ADGRV1: variants seen among roughly 807,000 people sequenced by gnomAD.
The protein encoded by ADGRV1 is adhesion G protein-coupled receptor V1, also known as G-protein coupled receptor 98.
ADGRV1 carries 359 observed loss-of-function variants against 596.2 expected under a neutral mutation model. That is an observed-to-expected ratio of 0.60 (90% CI 0.55 to 0.66). ADGRV1 has a LOEUF of 0.66. Ranked by LOEUF, ADGRV1 falls within the 30% of genes least tolerant of loss-of-function variation. The pLI is 0.00. For missense variants in ADGRV1, 7,274 were observed against 7,575.6 expected (o/e 0.96, Z 1.48); for synonymous variants, 2,681 against 2,679.2 (o/e 1.00, Z -0.02).
At chr5:90,621,819 AAGATGACATT>A (rs1764115606) in intron 4 of ADGRV1, among the ~76,000 whole-genome samples, 2 of 152,182 alleles carry the variant, frequency 1.3e-5, no homozygotes, top group South Asian at 4.2e-4. Context: ...GTTGGTAGTG[AAGATGACATT>A]GATGATGATG....
intron 83 of ADGRV1, among the ~76,000 whole-genome samples, chr5:90,918,808 C>T (rs940202973): frequency 2.0e-5 from 3 of 152,126 alleles, no homozygotes; most frequent in Admixed American, 2.0e-4. Context: ...CAACCAAGGC[C>T]TCCCTCTCTT....
intron 53 of ADGRV1, among the ~76,000 whole-genome samples, chr5:90,751,722 C>T (rs1755276174): frequency 6.6e-6 from 1 of 152,050 alleles, no homozygotes; most frequent in Non-Finnish European, 1.5e-5. Context: ...TCTCATGGAA[C>T]TGTCTCAAAA....
At chr5:90,675,132 C>G in intron 23 of ADGRV1, 111 bp from the exon 24 acceptor site, 1 of 748,138 alleles carries the variant, frequency 1.3e-6, no homozygotes, top group Non-Finnish European at 2.1e-6. Context: ...AATAAAGTCC[C>G]TCAGAATTTT....
intron 87 of ADGRV1, among the ~76,000 whole-genome samples, chr5:91,113,477 A>G (rs565273719): frequency 1.3e-5 from 2 of 152,216 alleles, no homozygotes; most frequent in Non-Finnish European, 2.9e-5. Context: ...ACCTTGATCC[A>G]GTAGAAAATG....
intron 83 of ADGRV1, among the ~76,000 whole-genome samples, chr5:90,954,630 A>G (rs1777321618): frequency 6.6e-6 from 1 of 152,152 alleles, no homozygotes; most frequent in Non-Finnish European, 1.5e-5. Flanking sequence ...ATATTTGTGC[A>G]TATGTTGCAT....
chr5:91,070,711 T>C (rs1788313006), intron 85 of ADGRV1, among the ~76,000 whole-genome samples: 1 of 152,172 alleles, frequency 6.6e-6, no homozygotes, highest in South Asian at 2.1e-4. Flanking sequence ...ATTTCAGTAT[T>C]ACCAAAATAA....
chr5:90,847,760 C>T (rs1201130899), intron 78 of ADGRV1, among the ~76,000 whole-genome samples: 2 of 152,192 alleles, frequency 1.3e-5, no homozygotes, highest in Admixed American at 6.5e-5. Context: ...GCTGGCTGGC[C>T]GCTGAATGCG....
chr5:90,913,606 C>T (rs1356178825), intron 83 of ADGRV1, among the ~76,000 whole-genome samples: 2 of 151,878 alleles, frequency 1.3e-5, no homozygotes, highest in African/African-American at 4.8e-5. Flanking sequence ...TTCTTCGTTG[C>T]AGGAAATTTA....
chr5:90,827,389 A>G (rs1348761456), intron 76 of ADGRV1, among the ~76,000 whole-genome samples: 1 of 152,218 alleles, frequency 6.6e-6, no homozygotes, highest in Non-Finnish European at 1.5e-5. Flanking sequence ...TACTAGTCTA[A>G]TGATATGTAG....
rs1261385557 is a variant in ADGRV1 at position 90,627,761 on chromosome 5, A to G, written c.1223A>G (p.Glu408Gly). 1.3e-6 allele frequency: 2 copies of G among 1,517,494 alleles called. No homozygotes were observed. Among genetic ancestry groups the G allele is most frequent in the Non-Finnish European group, 1.8e-6 (2 of 1,125,114 alleles). 94.0% of individuals were successfully genotyped at this position (1,517,494 alleles called of 1,614,324 possible). Residue 408 changes from glutamate to glycine, a missense_variant, in exon 7 of 90, where the codon GAA (glutamate) becomes GGA (glycine). By Grantham distance (98) the Glu-to-Gly change is moderately conservative (BLOSUM62 -2). Around this residue, in one of 5 missense-constraint regions of ADGRV1, gnomAD observed 1,715 missense variants for 1,708.8 expected, o/e 1.00. Transcript: ENST00000405460. ...TTTGAAAGGACAGTTATAATTGATG[A>G]AGATAGAATATCAAGGTATGATTTA... is the stretch of plus-strand genomic sequence containing the variant. ...VLFERTVIID[E>G]DRISRYEEIT...
chr5:91,027,314 T>A (rs1420678314), intron 85 of ADGRV1, among the ~76,000 whole-genome samples: 2 of 152,152 alleles, frequency 1.3e-5, no homozygotes, highest in Non-Finnish European at 1.5e-5. Context: ...CCTGGACTCC[T>A]CATCCTACAG....
At chr5:91,072,346 G>T (rs1199877534) in intron 85 of ADGRV1, 101 bp from the exon 86 acceptor site, 2 of 1,049,190 alleles carry the variant, frequency 1.9e-6, no homozygotes, top group African/African-American at 3.1e-5. Context: ...GCCAGCATCT[G>T]GATACAAAGA....
intron 85 of ADGRV1, among the ~76,000 whole-genome samples, chr5:91,069,482 C>G (rs1788182566): frequency 6.6e-6 from 1 of 151,876 alleles, no homozygotes; most frequent in Non-Finnish European, 1.5e-5. Flanking sequence ...AGAAGAATTA[C>G]AAGCAGCCAA....
rs547076322 is a variant in ADGRV1 at position 90,637,747 on chromosome 5, A to G, written c.2039A>G (p.Asp680Gly). The G allele has an allele frequency of 3.1e-5, 50 of 1,612,500 alleles. No individual in the cohort carries two copies. The East Asian group carries it at 1.0e-3, about 34-fold the overall frequency. ...AAGGTATACATTCCCTTACATCGGG[A>G]TGGAACTGATGGCCAGGCTACTGTC... ...AEVVYIPLHR[D>G]GTDGQATVYW... is the part of the protein sequence containing the mutation. The change falls in exon 11 of 90, where the codon GAT becomes GGT. Residue 680 changes from aspartate (D) to glycine (G), a missense_variant. By Grantham distance (94) the Asp-to-Gly change is moderately conservative. Transcript: ENST00000405460.
At chr5:90,885,182 A>G (rs573158076) in intron 83 of ADGRV1, among the ~76,000 whole-genome samples, 1 of 152,328 alleles carries the variant, frequency 6.6e-6, no homozygotes, top group South Asian at 2.1e-4. Context: ...AGCTCTCTGT[A>G]GATTTTTCAC....
chr5:91,028,222 G>GA (rs1365292750), intron 85 of ADGRV1, among the ~76,000 whole-genome samples: 3 of 151,884 alleles, frequency 2.0e-5, no homozygotes, highest in African/African-American at 7.3e-5. Flanking sequence ...CAAAATCCCT[G>GA]AAACAATGGA....
At chr5:90,907,979 T>A (rs1488487084) in intron 83 of ADGRV1, among the ~76,000 whole-genome samples, 2 of 152,036 alleles carry the variant, frequency 1.3e-5, no homozygotes, top group Non-Finnish European at 1.5e-5. Context: ...GCCTCCTGAG[T>A]AGCTGGGACT....
At position 90,685,910 on chromosome 5, in the gene ADGRV1, A is replaced by G. The variant is rs1180466764; in HGVS notation, c.6405A>G (p.Gly2135=). Residue 2135 remains glycine, a synonymous_variant, in exon 29 of 90, where the codon GGA becomes GGG. Transcript: ENST00000405460. ...TCCGAGTGGCAGAAAATCATGTTGGACCCATTATCAATGTGACTAGAACAG... is the reference window on the plus strand; with the variant it reads ...TCCGAGTGGCAGAAAATCATGTTGGGCCCATTATCAATGTGACTAGAACAG... ...PIVRVAENHV[G]PIINVTRTGG... 1.9e-6 allele frequency: 3 copies of G among 1,611,340 alleles called. No homozygotes were observed. The African/African-American group carries it at 4.0e-5, about 22-fold the overall frequency.
At chr5:90,941,232 GA>G (rs964774443) in intron 83 of ADGRV1, among the ~76,000 whole-genome samples, 8 of 151,634 alleles carry the variant, frequency 5.3e-5, no homozygotes, top group African/African-American at 1.2e-4. Flanking sequence ...TGTGCATAAA[GA>G]AACTCCATTT....
Sources: gnomAD v4.1 joint callset for allele counts (sites outside exome capture counted in the v4.1 genomes callset) on GRCh38, gnomAD v4.1.1 for gene constraint, gnomAD v4.1.1 regional missense constraint, MANE v1.5 for transcripts, NCBI Gene and HGNC (gene_info 2026-07-23, HGNC 2026-07-21) for gene names.